The following TAF4 variants were observed in gnomAD, a reference collection of about 807,000 sequenced individuals.
TAF4 encodes transcription initiation factor TFIID subunit 4.
A neutral mutation model predicts 90.3 loss-of-function variants in TAF4; 9 were observed. The ratio of observed to expected loss-of-function variants is 0.10; its 90% CI spans 0.06 to 0.17. The LOEUF is 0.17. Ranked by LOEUF, TAF4 falls within the 10% of genes least tolerant of loss-of-function variation. TAF4 has a pLI of 1.00. For synonymous variants in TAF4, 818 were observed against 638.9 expected (o/e 1.28, Z -4.23); for missense variants, 1,351 against 1,370.7 (o/e 0.99, Z 0.23).
intron 1 of TAF4, 164 bp downstream of exon 1, chr20:62,064,287 C>A (rs551504110): frequency 3.8e-6 from 3 of 781,712 alleles, no homozygotes; most frequent in Non-Finnish European, 5.3e-6. Context: ...CAGACAGCCA[C>A]CCGGGCTGGC....
chr20:62,011,253 A>G (rs1247095181), intron 3 of TAF4, among the ~76,000 whole-genome samples: 1 of 152,154 alleles, frequency 6.6e-6, no homozygotes. Flanking sequence ...AGAAAACATA[A>G]AAGGACACAC....
chr20:62,063,271 A>C (rs2145527415), intron 1 of TAF4, among the ~76,000 whole-genome samples: 1 of 152,244 alleles, frequency 6.6e-6, no homozygotes, highest in East Asian at 1.9e-4. Flanking sequence ...TTCACTTCTG[A>C]AGATTCTGCA....
At chr20:62,049,176 G>A (rs940152070) in intron 1 of TAF4, among the ~76,000 whole-genome samples, 1 of 152,008 alleles carries the variant, frequency 6.6e-6, no homozygotes, top group African/African-American at 2.4e-5. Context: ...GTGCAGCAGT[G>A]CCCACGCCCG....
chr20:62,016,677 G>A lies in TAF4; in HGVS notation c.1361-1970C>T, dbSNP rs540123974. 2.6e-5 allele frequency among the ~76,000 whole-genome samples: 4 copies of A among 152,330 alleles called. No individual in the cohort carries two copies. In the South Asian group the frequency reaches 6.2e-4, roughly 24 times the overall value. On this transcript the variant is annotated intron_variant, in intron 1 of 14. Transcript: ENST00000252996. ...GCTCCTCAGGTGCACACAGCCTATTGAGGGACTTCACCTTGTGATCCTGAG... is the reference window on the plus strand; with the variant it reads ...GCTCCTCAGGTGCACACAGCCTATTAAGGGACTTCACCTTGTGATCCTGAG...
At chr20:62,056,274 T>C (rs2056063511) in intron 1 of TAF4, among the ~76,000 whole-genome samples, 1 of 152,058 alleles carries the variant, frequency 6.6e-6, no homozygotes, top group Non-Finnish European at 1.5e-5. Context: ...CTTATACAAA[T>C]AGGCACAGTT....
chr20:61,980,644 G>A (rs2055534616), intron 14 of TAF4: 1 of 152,276 alleles, frequency 6.6e-6, no homozygotes, highest in Non-Finnish European at 1.5e-5. Context: ...TCACTTCCGG[G>A]AGGCCGAAGA....
In TAF4 at chr20:62,065,730, G is replaced by A. The variant is rs1411390192; in HGVS notation, c.81C>T (p.Gly27=). 1 of 1,323,588 alleles carries A rather than the reference G, an allele frequency of 7.6e-7. No individual in the cohort carries two copies. The allele number at this position is 1,323,588 out of a possible 1,614,324, so 82.0% of individuals were successfully genotyped here. Reference sequence around the variant, plus strand: ...TGGCCGCCAGCTGCGACTCCAGCGAGCCCACCAGGTCGCTCACCACTTTCT... The same window carrying A: ...TGGCCGCCAGCTGCGACTCCAGCGAACCCACCAGGTCGCTCACCACTTTCT... The part of the protein sequence containing the change: ...VDEKVVSDLV[G]SLESQLAASA... The change falls in exon 1 of 15, where the codon GGC becomes GGT. Residue 27 remains glycine, a synonymous_variant. Transcript: ENST00000252996.
intron 1 of TAF4, among the ~76,000 whole-genome samples, chr20:62,043,506 G>C (rs1406184352): frequency 6.6e-6 from 1 of 152,092 alleles, no homozygotes; most frequent in South Asian, 2.1e-4. Context: ...CCTAAGCATA[G>C]AGTGCCCCAG....
At chr20:62,013,327 A>G (rs1344994440) in intron 2 of TAF4, among the ~76,000 whole-genome samples, 1 of 152,244 alleles carries the variant, frequency 6.6e-6, no homozygotes, top group Non-Finnish European at 1.5e-5. Flanking sequence ...CTAGATGGCC[A>G]GTCAGTGCCA....
At chr20:61,989,019 A>C (rs1022143125) in intron 14 of TAF4, among the ~76,000 whole-genome samples, 2 of 152,158 alleles carry the variant, frequency 1.3e-5, no homozygotes, top group Non-Finnish European at 2.9e-5. Flanking sequence ...AAAAAAACAA[A>C]TACACTGAAT....
At chr20:61,998,495 T>C (rs2055677529) in intron 12 of TAF4, among the ~76,000 whole-genome samples, 1 of 152,184 alleles carries the variant, frequency 6.6e-6, no homozygotes, top group East Asian at 1.9e-4. Context: ...ATGGGCCTCA[T>C]AGGCTCCTTG....
At chr20:61,978,602 A>C (rs1339415202) in intron 14 of TAF4, among the ~76,000 whole-genome samples, 4 of 139,716 alleles carry the variant, frequency 2.9e-5, no homozygotes, top group Non-Finnish European at 4.6e-5. Flanking sequence ...CAACCAAAGG[A>C]GGGGGCGAGA....
At chr20:62,018,023 T>C (rs1220905085) in intron 1 of TAF4, among the ~76,000 whole-genome samples, 1 of 152,144 alleles carries the variant, frequency 6.6e-6, no homozygotes, top group Non-Finnish European at 1.5e-5. Flanking sequence ...CCAGTGTCCC[T>C]TGTGGTCAGG....
intron 14 of TAF4, among the ~76,000 whole-genome samples, chr20:61,982,313 CCCCATCCGAGGAAACACCAAACCCACA>C: frequency 4.1e-5 from 1 of 24,364 alleles, no homozygotes. Context: ...AAAACCCACA[CCCCATCCGAGGAAACACCAAACCCACA>C]CCCACCCTAG....
intron 1 of TAF4, chr20:62,037,835 G>A (rs1025696104): frequency 4.3e-5 from 10 of 230,062 alleles, no homozygotes; most frequent in African/African-American, 1.8e-4. Context: ...GACTTCTCAC[G>A]TATGCATACC....
At chr20:62,053,865 C>A (rs1350186008) in intron 1 of TAF4, among the ~76,000 whole-genome samples, 1 of 152,222 alleles carries the variant, frequency 6.6e-6, no homozygotes, top group Non-Finnish European at 1.5e-5. Context: ...TGAGCAAGGG[C>A]CTTAAGACCA....
chr20:62,030,200 C>A (rs925976989), intron 1 of TAF4, among the ~76,000 whole-genome samples: 1 of 152,226 alleles, frequency 6.6e-6, no homozygotes, highest in Non-Finnish European at 1.5e-5. Flanking sequence ...CAGGCAGGGA[C>A]GCCAACGAGC....
At chr20:62,028,765 C>T (rs929512005) in intron 1 of TAF4, among the ~76,000 whole-genome samples, 9 of 152,166 alleles carry the variant, frequency 5.9e-5, no homozygotes, top group Non-Finnish European at 7.3e-5. Flanking sequence ...ATCTCCTTCC[C>T]GACAGTGAGC....
intron 14 of TAF4, among the ~76,000 whole-genome samples, chr20:61,995,218 G>A (rs552470824): frequency 1.7e-4 from 26 of 152,306 alleles, no homozygotes; most frequent in African/African-American, 5.3e-4. Context: ...AACAGCAGTC[G>A]AGAGAAACTG....
Sources: gnomAD v4.1 joint callset for allele counts (sites outside exome capture counted in the v4.1 genomes callset) on GRCh38, gnomAD v4.1.1 for gene constraint, MANE v1.5 for transcripts, NCBI Gene and HGNC (gene_info 2026-07-23, HGNC 2026-07-21) for gene names.